SLC41A3: variants seen among roughly 807,000 people sequenced by gnomAD.
The protein encoded by SLC41A3 is solute carrier family 41 member 3, also known as SLC41A1-like 2.
A neutral mutation model predicts 45.4 loss-of-function variants in SLC41A3; 44 were observed. That is an observed-to-expected ratio of 0.97 (90% CI 0.76 to 1.25). The LOEUF is 1.25. Ranked by LOEUF, SLC41A3 falls within the 50% of genes most tolerant of loss-of-function variation. SLC41A3 has a pLI of 0.00. For missense variants in SLC41A3, 550 were observed against 600.6 expected (o/e 0.92, Z 0.88); for synonymous variants, 256 against 252.4 (o/e 1.01, Z -0.13).
intron 4 of SLC41A3, among the ~76,000 whole-genome samples, chr3:126,033,116 A>C (rs1941925493): frequency 2.6e-5 from 4 of 152,160 alleles, no homozygotes; most frequent in Admixed American, 1.3e-4. Context: ...TAAGGGGTTA[A>C]GATGTCTCTT....
intron 2 of SLC41A3, among the ~76,000 whole-genome samples, chr3:126,061,243 A>T (rs543557343): frequency 7.2e-5 from 11 of 152,262 alleles, no homozygotes; most frequent in African/African-American, 2.6e-4. Context: ...GGCCAATTAA[A>T]TTTTAAATAA....
intron 8 of SLC41A3, among the ~76,000 whole-genome samples, chr3:126,014,995 G>A (rs1340151599): frequency 3.3e-5 from 5 of 152,184 alleles, no homozygotes; most frequent in Admixed American, 3.3e-4. Context: ...CTCAGGCACT[G>A]CTGCAGTGCC....
At chr3:126,088,317 C>G (rs1372586555), upstream of SLC41A3, among the ~76,000 whole-genome samples, 1 of 152,064 alleles carries the variant, frequency 6.6e-6, no homozygotes, top group Non-Finnish European at 1.5e-5. Context: ...TAGATGCTAG[C>G]TCAGATGACT....
rs371023176 is a variant in SLC41A3 at position 126,023,040 on chromosome 3, G to T, written c.599-108C>A. 3.0e-5 allele frequency: 43 copies of T among 1,446,264 alleles called. No homozygotes were observed. The East Asian group carries it at 8.5e-4, about 29-fold the overall frequency. The allele number at this position is 1,446,264 out of a possible 1,614,324, so 89.6% of individuals were successfully genotyped here. A position where few individuals can be genotyped will look rare whatever the true frequency, so the allele number is the denominator to read the frequency against. On this transcript the variant is annotated intron_variant, in intron 5 of 10. Transcript: ENST00000360370. ...GGCGGCACTGAGTAGGGACTGGCAG[G>T]TGGCAGGGAGGCTGCTCATTAACTT...
chr3:126,097,910 G>A (rs1406032702), intron 1 of SLC41A3, among the ~76,000 whole-genome samples: 1 of 152,170 alleles, frequency 6.6e-6, no homozygotes, highest in African/African-American at 2.4e-5. Flanking sequence ...ACCAGTTCCT[G>A]TAGACTAGTT....
chr3:126,049,586 C>T (rs1349680307), intron 3 of SLC41A3, among the ~76,000 whole-genome samples: 1 of 152,082 alleles, frequency 6.6e-6, no homozygotes, highest in African/African-American at 2.4e-5. Flanking sequence ...CTGACCAAAA[C>T]AATTGTGCAC....
Position 126,026,676 on chromosome 3 carries a change from C to T in SLC41A3, c.454-197G>A, listed in dbSNP as rs574887615. ...ACACCTGCCTTGAACTCAACTCCTCCGAAACCACGCTGGCCACCTCTGCTC... is the reference window on the plus strand; with the variant it reads ...ACACCTGCCTTGAACTCAACTCCTCTGAAACCACGCTGGCCACCTCTGCTC... On this transcript the variant is annotated intron_variant, in intron 4 of 10. Transcript: ENST00000360370. This position sits in a 1 kb window ranked among gnomAD's most constrained non-coding sequence, Gnocchi z 4.2. Among the ~76,000 whole-genome samples the T allele has an allele frequency of 3.3e-5, 5 of 152,310 alleles. No individual in the cohort carries two copies. The highest frequency in any genetic ancestry group is 3.9e-4 in the East Asian group (2 of 5,176).
At position 126,026,597 on chromosome 3, in the gene SLC41A3, CT is replaced by C. The variant is rs1438976648; in HGVS notation, c.454-119del. On this transcript the variant is annotated intron_variant, in intron 4 of 10. Coordinates refer to ENST00000360370, the MANE Select transcript of SLC41A3 (RefSeq NM_017836.4). This position sits in a 1 kb window ranked among gnomAD's most constrained non-coding sequence, Gnocchi z 4.2. ...TGCCACATGCTACTGCCTCCTTTCC[CT>C]TACCCTAAAATCTCACAGGCCCTCA... 14 of 1,324,462 alleles carry C rather than the reference CT, an allele frequency of 1.1e-5. No homozygotes were observed. The highest frequency in any genetic ancestry group is 2.2e-4 in the Middle Eastern group (1 of 4,520). 82.0% of individuals were successfully genotyped at this position (1,324,462 alleles called of 1,614,324 possible). A position where few individuals can be genotyped will look rare whatever the true frequency, so the allele number is the denominator to read the frequency against.
intron 4 of SLC41A3, among the ~76,000 whole-genome samples, chr3:126,030,608 A>G (rs1251247961): frequency 1.3e-5 from 2 of 152,154 alleles, no homozygotes; most frequent in Non-Finnish European, 2.9e-5. Flanking sequence ...TACAGGCTCA[A>G]TGGACAGATG....
At chr3:126,016,907 T>C (rs891730368) in intron 6 of SLC41A3, 32 bp from the exon 7 acceptor site, 2 of 1,604,802 alleles carry the variant, frequency 1.2e-6, no homozygotes, top group East Asian at 4.5e-5. Flanking sequence ...ACGCAGCTCA[T>C]GTGGCCAAGG....
chr3:126,081,950 T>C (rs1303852971), intron 1 of SLC41A3, among the ~76,000 whole-genome samples: 3 of 152,228 alleles, frequency 2.0e-5, no homozygotes, highest in Non-Finnish European at 4.4e-5. Flanking sequence ...TGTGCAGCTG[T>C]ACCTAGAGAG....
At chr3:126,080,357 C>T (rs1277466510) in intron 1 of SLC41A3, among the ~76,000 whole-genome samples, 1 of 115,958 alleles carries the variant, frequency 8.6e-6, no homozygotes, top group Non-Finnish European at 1.8e-5. Context: ...GGAATTCAAA[C>T]AACTCAATAT....
At chr3:126,048,922 A>C (rs540128679) in intron 3 of SLC41A3, among the ~76,000 whole-genome samples, 2 of 73,106 alleles carry the variant, frequency 2.7e-5, no homozygotes, top group Non-Finnish European at 5.9e-5. Flanking sequence ...AGACTGATTT[A>C]AAAAAAAAAA....
intron 2 of SLC41A3, chr3:126,056,690 G>A (rs1943690292): frequency 6.9e-7 from 1 of 1,447,994 alleles, no homozygotes; most frequent in Non-Finnish European, 9.0e-7. Context: ...CAGGTGCCCT[G>A]TGCCTGCAGA....
Position 126,015,486 on chromosome 3 carries a change from A to G in SLC41A3, c.970+8T>C. On this transcript the variant is annotated splice_region_variant and intron_variant, in intron 8 of 10. Coordinates refer to ENST00000360370, the MANE Select transcript of SLC41A3 (RefSeq NM_017836.4). ...CAGGGACCACATGGGAACCCTTCAA[A>G]TACGTACCACATATGACGGGGGTAA... 6.2e-7 allele frequency: 1 copy of G among 1,614,110 alleles called. No individual in the cohort carries two copies. The highest frequency in any genetic ancestry group is 2.2e-5 in the East Asian group (1 of 44,886).
chr3:126,039,257 C>A (rs1300838905), intron 3 of SLC41A3, among the ~76,000 whole-genome samples: 1 of 152,258 alleles, frequency 6.6e-6, no homozygotes, highest in Non-Finnish European at 1.5e-5. Flanking sequence ...AATAACTAAA[C>A]TATAGAATGT....
intron 1 of SLC41A3, among the ~76,000 whole-genome samples, chr3:126,097,692 T>A (rs1945630741): frequency 6.6e-6 from 1 of 152,194 alleles, no homozygotes; most frequent in African/African-American, 2.4e-5. Context: ...ATTTTCTTCC[T>A]AACTCTAATG....
At chr3:126,045,623 T>C (rs1433644295) in intron 3 of SLC41A3, among the ~76,000 whole-genome samples, 2 of 152,048 alleles carry the variant, frequency 1.3e-5, no homozygotes, top group Admixed American at 6.5e-5. Context: ...AAATCAGTAA[T>C]TAAAATCTCC....
intron 2 of SLC41A3, chr3:126,056,804 G>A: frequency 7.6e-7 from 1 of 1,310,360 alleles, no homozygotes; most frequent in South Asian, 2.0e-5. Flanking sequence ...AGGCCCTGCT[G>A]TCCCTCCCTG....
Sources: allele counts gnomAD v4.1 joint callset (sites outside exome capture counted in the v4.1 genomes callset), GRCh38; gene constraint gnomAD v4.1.1; non-coding constraint Gnocchi (gnomAD v3.1); transcripts MANE v1.5; gene names NCBI Gene and HGNC (gene_info 2026-07-23, HGNC 2026-07-21).